Variants in TRAIP observed in about 807,000 individuals in gnomAD.
TRAIP encodes the protein TRAF interacting protein.
Under a neutral mutation model 65.0 loss-of-function variants are expected in TRAIP, and 37 were observed. The ratio of observed to expected loss-of-function variants is 0.57; its 90% CI spans 0.44 to 0.75. TRAIP has a LOEUF of 0.75. Ranked by LOEUF, TRAIP falls within the 30% of genes least tolerant of loss-of-function variation. The pLI is 0.00. For missense variants in TRAIP, 481 were observed against 579.4 expected (o/e 0.83, Z 1.74); for synonymous variants, 187 against 219.1 (o/e 0.85, Z 1.29).
rs146175744 is a variant in TRAIP, at chr3:49,847,419, A to AAAGAGAAGAG, written c.240+96_240+105dup. On this transcript the variant is annotated intron_variant, in intron 3 of 14. Coordinates refer to ENST00000331456, the MANE Select transcript of TRAIP (RefSeq NM_005879.3). ...AGAAAAGAAAAGAAAAGAAAAGAGA[A>AAAGAGAAGAG]AAGAGAAGAGAAGAGAAGAGAAGAG... 1.2e-4 allele frequency: 86 copies of AAAGAGAAGAG among 746,142 alleles called. No homozygotes were observed. The African/African-American group carries it at 1.4e-3, about 13-fold the overall frequency. The allele number at this position is 746,142 out of a possible 1,614,324, so 46.2% of individuals were successfully genotyped here.
In TRAIP at chr3:49,856,330, CG is replaced by C. The variant is rs765097850; in HGVS notation, c.98+25del. 23 of 1,603,194 alleles carry C rather than the reference CG, an allele frequency of 1.4e-5. No individual in the cohort carries two copies. In the African/African-American group the frequency reaches 2.8e-4, roughly 20 times the overall value. ...CCTGAAGCGGTACCCGGGCAAACAC[CG>C]GGCCCCAACACTGCAGTCACTCACC... On this transcript the variant is annotated intron_variant, in intron 1 of 14. Transcript: ENST00000331456.
chr3:49,832,491 G>GAAAAAA (rs113514685), intron 10 of TRAIP, among the ~76,000 whole-genome samples: 1 of 133,998 alleles, frequency 7.5e-6, no homozygotes, highest in Non-Finnish European at 1.6e-5. Context: ...CTCCGTCTCA[G>GAAAAAA]GAAAAAAAAA....
chr3:49,829,531 G>A (rs370124865), intron 13 of TRAIP, 23 bp from the exon 14 acceptor site: 2 of 1,614,058 alleles, frequency 1.2e-6, no homozygotes, highest in Non-Finnish European at 1.7e-6. Flanking sequence ...GAAGAGATGA[G>A]TGGGCCAGGC....
At chr3:49,843,966 C>G in intron 4 of TRAIP, 38 bp from the exon 5 acceptor site, 3 of 1,579,084 alleles carry the variant, frequency 1.9e-6, no homozygotes, top group Non-Finnish European at 2.6e-6. Context: ...AGGGAAAGGC[C>G]TGTCCATCCA....
At chr3:49,840,886 G>T in intron 8 of TRAIP, 99 bp downstream of exon 8, 1 of 1,125,504 alleles carries the variant, frequency 8.9e-7, no homozygotes, top group Non-Finnish European at 1.3e-6. Context: ...CAGGGAGTCA[G>T]CTGTGCCATC....
In TRAIP at chr3:49,829,215, ACTGTGTCAGT is replaced by A; in HGVS notation, c.1288_1297del (p.Thr430SerfsTer2). 1 of 1,614,198 alleles carries A rather than the reference ACTGTGTCAGT, an allele frequency of 6.2e-7. No homozygotes were observed. Among genetic ancestry groups the A allele is most frequent in the East Asian group, 2.2e-5 (1 of 44,880 alleles). ...CTTAACAGGCAATGGGCGGATCATGACTGTGTCAGTCTGGAGGAGCTGTCAAGGAAGAGGC... is the reference window on the plus strand; with the variant it reads ...CTTAACAGGCAATGGGCGGATCATGACTGGAGGAGCTGTCAAGGAAGAGGC... On this transcript the variant is annotated frameshift_variant and splice_region_variant, in exon 15 of 15. Transcript: ENST00000331456. LOFTEE classifies it low-confidence loss of function (END_TRUNC).
intron 7 of TRAIP, 68 bp downstream of exon 7, chr3:49,841,758 G>A (rs1575394898): frequency 8.1e-7 from 1 of 1,239,578 alleles, no homozygotes; most frequent in East Asian, 2.4e-5. Flanking sequence ...AAGAGATGGG[G>A]AGCAATGACA....
At chr3:49,845,529 C>T (rs2081874523) in intron 3 of TRAIP, among the ~76,000 whole-genome samples, 1 of 152,238 alleles carries the variant, frequency 6.6e-6, no homozygotes, top group Admixed American at 6.5e-5. Context: ...CCACCTAGGA[C>T]TCTGGGGGCA....
At chr3:49,852,761 AAAAG>A (rs145371920) in intron 1 of TRAIP, among the ~76,000 whole-genome samples, 25,123 of 151,608 alleles carry the variant, frequency 0.17, 2,370 homozygotes, top group African/African-American at 0.24. Flanking sequence ...TCTCAAAAAA[AAAAG>A]AAAGAAAGAA....
chr3:49,832,716 GTGGGGGGT>G (rs2081747043), intron 10 of TRAIP, among the ~76,000 whole-genome samples: 3 of 42,432 alleles, frequency 7.1e-5, no homozygotes, highest in African/African-American at 1.9e-4. Flanking sequence ...GGGGGGGGGG[GTGGGGGGT>G]GGGGAGTGAA....
At position 49,852,513 on chromosome 3, in the gene TRAIP, T is replaced by C. The variant is rs960161009; in HGVS notation, c.98+3843A>G. 3.9e-5 allele frequency among the ~76,000 whole-genome samples: 6 copies of C among 152,178 alleles called. No homozygotes were observed. In the East Asian group the frequency reaches 1.2e-3, roughly 29 times the overall value. ...GCTCACGCCTGTAATCCCAGCACTT[T>C]GGGAGGCCGAGGCAGGCAGATCATG... On this transcript the variant is annotated intron_variant, in intron 1 of 14. Transcript: ENST00000331456.
At chr3:49,849,840 C>CTTTT (rs1185587392) in intron 1 of TRAIP, among the ~76,000 whole-genome samples, 197 of 89,818 alleles carry the variant, frequency 2.2e-3, no homozygotes, top group African/African-American at 5.0e-3. Flanking sequence ...CTTTTCTTTT[C>CTTTT]TTTTTTTTTT....
chr3:49,852,680 G>A (rs969247737), intron 1 of TRAIP, among the ~76,000 whole-genome samples: 26 of 149,862 alleles, frequency 1.7e-4, no homozygotes, highest in Non-Finnish European at 2.8e-4. Flanking sequence ...GCGTGAACCC[G>A]GGAGGCAGAG....
At chr3:49,839,665 T>A in intron 10 of TRAIP, 107 bp downstream of exon 10, 1 of 1,023,440 alleles carries the variant, frequency 9.8e-7, no homozygotes. Flanking sequence ...TCTGCAGACA[T>A]CAGGTCCACA....
Position 49,840,997 on chromosome 3 carries a change from GGA to G in TRAIP, c.691_692del (p.Ser231LeufsTer11). On this transcript the variant is annotated frameshift_variant, in exon 8 of 15. Transcript: ENST00000331456. LOFTEE classifies it high-confidence loss of function. Reference protein sequence around the residue: ...VADKLRKDLFSSRSKLQTVYS... With the variant: ...VADKLRKDLFXSRSKLQTVYS... ...ACTGCTAAGTTACCTTGCTTCTGGA[GGA>G]AAACAAATCCTTCCTCAGCTTGTCA... 6.2e-7 allele frequency: 1 copy of G among 1,614,184 alleles called. No individual in the cohort carries two copies. Among genetic ancestry groups the G allele is most frequent in the Middle Eastern group, 1.6e-4 (1 of 6,062 alleles).
rs71080556 is a variant in TRAIP at position 49,828,603 on chromosome 3, G to GTT, written c.*498_*499dup. 3.5e-3 allele frequency: 521 copies of GTT among 150,622 alleles called. 2 individuals carry two copies. Among genetic ancestry groups the GTT allele is most frequent in the Non-Finnish European group, 5.7e-3 (386 of 67,986 alleles). The allele number at this position is 150,622 out of a possible 1,614,324, so 9.3% of individuals were successfully genotyped here. ...CTCTCAGAACCAGGAAGAAGAGATT[G>GTT]TTTTTTTTTTTTAATTTTATTTTAC... On this transcript the variant is annotated 3_prime_UTR_variant, in exon 15 of 15. Coordinates refer to ENST00000331456, the MANE Select transcript of TRAIP (RefSeq NM_005879.3).
Position 49,840,338 on chromosome 3 carries a change from C to A in TRAIP, c.741G>T (p.Lys247Asn), listed in dbSNP as rs2081828067. The stretch of plus-strand genomic sequence containing the variant: ...CCTTCTGGGCTGACTTCAGTTCTAA[C>A]TTGGCCTGATCCAATTCAGAGTAGA... ...QTVYSELDQAKLELKSAQKDL... is the reference protein window; with the variant it reads ...QTVYSELDQANLELKSAQKDL... Residue 247 changes from lysine to asparagine, a missense_variant, in exon 9 of 15, where the codon AAG becomes AAT. Transcript: ENST00000331456. The A allele has an allele frequency of 1.2e-6, 2 of 1,614,230 alleles. No homozygotes were observed. Among genetic ancestry groups the A allele is most frequent in the Non-Finnish European group, 1.7e-6 (2 of 1,180,018 alleles).
At chr3:49,845,470 T>C (rs940223258) in intron 3 of TRAIP, among the ~76,000 whole-genome samples, 1 of 152,168 alleles carries the variant, frequency 6.6e-6, no homozygotes, top group African/African-American at 2.4e-5. Context: ...ATGTGACCAA[T>C]AGTATGGCCC....
chr3:49,828,943 G>T lies in TRAIP; in HGVS notation c.*160C>A. The T allele has an allele frequency of 1.0e-6, 1 of 952,386 alleles. No individual in the cohort carries two copies. Among genetic ancestry groups the T allele is most frequent in the Non-Finnish European group, 1.6e-6 (1 of 618,036 alleles). The allele number at this position is 952,386 out of a possible 1,614,324, so 59.0% of individuals were successfully genotyped here. ...GAGTGGGGCAGGGTGAGGGCAGGAA[G>T]AGCAGTCTCTGGGTGCCACACTCAC... is the stretch of plus-strand genomic sequence containing the variant. On this transcript the variant is annotated 3_prime_UTR_variant, in exon 15 of 15. Coordinates refer to ENST00000331456, the MANE Select transcript of TRAIP (RefSeq NM_005879.3).
Sources: gnomAD v4.1 joint callset for allele counts (sites outside exome capture counted in the v4.1 genomes callset) on GRCh38, gnomAD v4.1.1 for gene constraint, MANE v1.5 for transcripts, NCBI Gene and HGNC (gene_info 2026-07-23, HGNC 2026-07-21) for gene names.